NLGN1: variants seen among roughly 807,000 people sequenced by gnomAD.
NLGN1 encodes the protein neuroligin 1.
Under a neutral mutation model 65.5 loss-of-function variants are expected in NLGN1, and 12 were observed. The observed-to-expected ratio is 0.18, with a 90% CI of 0.12 to 0.30. The LOEUF is 0.30. Ranked by LOEUF, NLGN1 falls within the 10% of genes least tolerant of loss-of-function variation. The pLI, the probability that NLGN1 is intolerant of heterozygous loss-of-function variation, is 1.00. For synonymous variants in NLGN1, 350 were observed against 359.5 expected (o/e 0.97, Z 0.30); for missense variants, 750 against 1,007.1 (o/e 0.74, Z 3.46).
intron 3 of NLGN1, among the ~76,000 whole-genome samples, chr3:173,679,068 T>C (rs986760038): frequency 6.6e-6 from 1 of 151,768 alleles, no homozygotes; most frequent in Admixed American, 6.6e-5. Context: ...AAATTAATAC[T>C]GAACCAGTCT....
chr3:174,140,182 C>T (rs1026366589), intron 4 of NLGN1, among the ~76,000 whole-genome samples: 1 of 151,964 alleles, frequency 6.6e-6, no homozygotes, highest in Non-Finnish European at 1.5e-5. Flanking sequence ...TATTATAAGG[C>T]TTTAAACATA....
At chr3:173,654,052 G>A (rs776126887) in intron 3 of NLGN1, among the ~76,000 whole-genome samples, 21 of 152,112 alleles carry the variant, frequency 1.4e-4, no homozygotes, top group Non-Finnish European at 2.6e-4. Flanking sequence ...GATGCCATAT[G>A]GAACTGAGTT....
chr3:174,112,949 A>G (rs2152622902), intron 4 of NLGN1, among the ~76,000 whole-genome samples: 1 of 152,014 alleles, frequency 6.6e-6, no homozygotes, highest in Non-Finnish European at 1.5e-5. Flanking sequence ...TTATGGCTAA[A>G]CAGAAATATA....
chr3:173,966,048 T>G (rs1270662171), intron 4 of NLGN1, among the ~76,000 whole-genome samples: 5 of 152,224 alleles, frequency 3.3e-5, no homozygotes, highest in Admixed American at 3.3e-4. Context: ...GGTATTTACC[T>G]TGCCTTCTTT....
In NLGN1 at chr3:173,634,142, G is replaced by A. The variant is rs546286963; in HGVS notation, c.493+29051G>A. 2.6e-5 allele frequency among the ~76,000 whole-genome samples: 4 copies of A among 152,020 alleles called. No individual in the cohort carries two copies. In the East Asian group the frequency reaches 5.8e-4, roughly 22 times the overall value. On this transcript the variant is annotated intron_variant, in intron 3 of 6. Transcript: ENST00000457714. The stretch of plus-strand genomic sequence containing the variant: ...TTTTTTAATTTCTAAAGAAATACGT[G>A]TTCTTTGTTTTGAAAGAAAAGCAAA...
chr3:173,899,347 T>A (rs1736914343), intron 4 of NLGN1, among the ~76,000 whole-genome samples: 1 of 152,150 alleles, frequency 6.6e-6, no homozygotes, highest in African/African-American at 2.4e-5. Context: ...ATTAGTCGAC[T>A]ATACTAAATG....
At chr3:173,933,628 C>A (rs1276497713) in intron 4 of NLGN1, among the ~76,000 whole-genome samples, 2 of 152,120 alleles carry the variant, frequency 1.3e-5, no homozygotes, top group East Asian at 1.9e-4. Context: ...TGACATAGTT[C>A]TTCCTTCTGG....
intron 4 of NLGN1, among the ~76,000 whole-genome samples, chr3:174,156,378 G>A (rs1023997418): frequency 4.6e-5 from 7 of 151,740 alleles, no homozygotes; most frequent in Non-Finnish European, 5.9e-5. Context: ...TGTTGCCTGT[G>A]TTTTCTTTTT....
chr3:174,266,991 AG>A (rs1748377143), intron 4 of NLGN1, among the ~76,000 whole-genome samples: 2 of 152,114 alleles, frequency 1.3e-5, no homozygotes, highest in African/African-American at 2.4e-5. Flanking sequence ...ACATATATTA[AG>A]CCCCCTGCAT....
At chr3:173,556,638 C>T (rs1439352733) in intron 2 of NLGN1, among the ~76,000 whole-genome samples, 2 of 151,820 alleles carry the variant, frequency 1.3e-5, no homozygotes, top group Non-Finnish European at 2.9e-5. Context: ...TAATGAGTCC[C>T]CTTCTTATAA....
At chr3:173,400,095 A>G (rs1278159619) in intron 1 of NLGN1, among the ~76,000 whole-genome samples, 1 of 152,248 alleles carries the variant, frequency 6.6e-6, no homozygotes. Context: ...CAGCTGTGTA[A>G]CATATACCTT....
chr3:173,826,393 A>G (rs1721342352), intron 4 of NLGN1, among the ~76,000 whole-genome samples: 1 of 152,060 alleles, frequency 6.6e-6, no homozygotes, highest in Admixed American at 6.6e-5. Flanking sequence ...ATTGGCTAGA[A>G]TGAGAGATAC....
At chr3:173,775,958 A>C (rs533675962) in intron 3 of NLGN1, among the ~76,000 whole-genome samples, 25 of 152,224 alleles carry the variant, frequency 1.6e-4, no homozygotes, top group African/African-American at 5.5e-4. Context: ...ACTTTTGTCT[A>C]TTCCAGATTT....
At position 173,967,489 on chromosome 3, in the gene NLGN1, C is replaced by T. The variant is rs550169775; in HGVS notation, c.646+159657C>T. ...ACTAAAAAAGAATTCTTGTCAAAATCTATCCCTTAGTGTCCTCACAGGTGA... is the reference window on the plus strand; with the variant it reads ...ACTAAAAAAGAATTCTTGTCAAAATTTATCCCTTAGTGTCCTCACAGGTGA... On this transcript the variant is annotated intron_variant, in intron 4 of 6. Coordinates refer to ENST00000457714, the Ensembl canonical transcript of NLGN1. 1.4e-4 allele frequency among the ~76,000 whole-genome samples: 22 copies of T among 152,336 alleles called. No homozygotes were observed. The East Asian group carries it at 3.7e-3, about 25-fold the overall frequency.
At chr3:173,982,641 A>G (rs1719013117) in intron 4 of NLGN1, among the ~76,000 whole-genome samples, 1 of 152,178 alleles carries the variant, frequency 6.6e-6, no homozygotes, top group African/African-American at 2.4e-5. Flanking sequence ...ATTGATGGTC[A>G]CAGCTAAGTA....
chr3:173,422,525 T>C (rs768542609), intron 1 of NLGN1, among the ~76,000 whole-genome samples: 1 of 152,226 alleles, frequency 6.6e-6, no homozygotes, highest in Non-Finnish European at 1.5e-5. Flanking sequence ...ATTTTTATTT[T>C]TGTTTTTTTG....
intron 4 of NLGN1, among the ~76,000 whole-genome samples, chr3:173,861,176 G>A (rs1728992994): frequency 6.6e-6 from 1 of 151,968 alleles, no homozygotes; most frequent in Admixed American, 6.6e-5. Flanking sequence ...AAAACTTGAT[G>A]ACATAAAAAC....
chr3:173,935,779 A>G (rs1487704972), intron 4 of NLGN1, among the ~76,000 whole-genome samples: 1 of 151,992 alleles, frequency 6.6e-6, no homozygotes, highest in Non-Finnish European at 1.5e-5. Context: ...GAATCTTTTA[A>G]ACCAATTGTT....
intron 4 of NLGN1, among the ~76,000 whole-genome samples, chr3:174,248,602 A>G (rs908998205): frequency 6.6e-6 from 1 of 152,058 alleles, no homozygotes; most frequent in Non-Finnish European, 1.5e-5. Flanking sequence ...TCTACTAAAA[A>G]TATAAAAAAT....
Sources: gnomAD v4.1 joint callset for allele counts (sites outside exome capture counted in the v4.1 genomes callset) on GRCh38, gnomAD v4.1.1 for gene constraint, MANE v1.5 for transcripts, NCBI Gene and HGNC (gene_info 2026-07-23, HGNC 2026-07-21) for gene names.